Variants in RBFOX1 observed in about 807,000 individuals in gnomAD.
RBFOX1 encodes RNA binding fox-1 homolog 1, also known as RNA binding protein fox-1 homolog 1.
A neutral mutation model predicts 57.7 loss-of-function variants in RBFOX1; 8 were observed. The ratio of observed to expected loss-of-function variants is 0.14; its 90% CI spans 0.08 to 0.25. The LOEUF (loss-of-function observed/expected upper bound fraction) is 0.25, where lower values mean the gene tolerates loss of function less well. RBFOX1 is among the 10% of genes least tolerant of loss of function. The pLI, the probability that RBFOX1 is intolerant of heterozygous loss-of-function variation, is 1.00. For synonymous variants in RBFOX1, 326 were observed against 222.4 expected, an observed-to-expected ratio of 1.47 and a Z score of -4.15; for missense variants, 611 against 548.5, an observed-to-expected ratio of 1.11 and a Z score of -1.14.
chr16:5,516,865 C>A lies in RBFOX1; in HGVS notation c.258+49611C>A, dbSNP rs538940060. Among the ~76,000 whole-genome samples, 34 of 152,298 alleles carry A rather than the reference C, an allele frequency of 2.2e-4. No individual in the cohort carries two copies. The Middle Eastern group carries it at 0.01, about 46-fold the overall frequency. On this transcript the variant is annotated intron_variant, in intron 2 of 2. Transcript: ENST00000585867. ...CGCCTTCTGCCATGATTGTAAGTTT[C>A]CTGCAGCATCCCCAGCCGTGCAGAA...
chr16:7,014,097 C>A (rs993785838), intron 3 of RBFOX1, among the ~76,000 whole-genome samples: 2 of 152,146 alleles, frequency 1.3e-5, no homozygotes, highest in Non-Finnish European at 2.9e-5. Context: ...ATTGGAATGG[C>A]CGATTTATTG....
At chr16:5,889,912 G>A (rs1244390119) in intron 4 of RBFOX1, among the ~76,000 whole-genome samples, 5 of 152,222 alleles carry the variant, frequency 3.3e-5, no homozygotes, top group Non-Finnish European at 7.3e-5. Flanking sequence ...TGGAGCACAG[G>A]ATCTGGCAGA....
chr16:6,167,466 C>A (rs1285083257), intron 1 of RBFOX1, among the ~76,000 whole-genome samples: 2 of 152,252 alleles, frequency 1.3e-5, no homozygotes, highest in East Asian at 1.9e-4. Flanking sequence ...AGCCTTCTAA[C>A]ATTTTTTCCA....
At chr16:5,819,020 C>A (rs1204645025) in intron 3 of RBFOX1, among the ~76,000 whole-genome samples, 1 of 152,184 alleles carries the variant, frequency 6.6e-6, no homozygotes. Context: ...TCCATTTCCC[C>A]CTCCTTGTCT....
chr16:5,389,771 C>A (rs894130843), intron 1 of RBFOX1, among the ~76,000 whole-genome samples: 1 of 151,922 alleles, frequency 6.6e-6, no homozygotes, highest in Admixed American at 6.6e-5. Flanking sequence ...GATCTCAGCT[C>A]ACTGCGACTT....
chr16:7,520,519 G>A (rs2077304929), intron 5 of RBFOX1, among the ~76,000 whole-genome samples: 1 of 152,124 alleles, frequency 6.6e-6, no homozygotes, highest in Non-Finnish European at 1.5e-5. Context: ...TGTTGTCTAG[G>A]TTCATTCATG....
intron 11 of RBFOX1, among the ~76,000 whole-genome samples, chr16:7,644,380 G>T (rs952890536): frequency 1.3e-5 from 2 of 152,178 alleles, no homozygotes; most frequent in African/African-American, 4.8e-5. Context: ...TGGAGCCTCA[G>T]AGGTTGGAAT....
intron 14 of RBFOX1, among the ~76,000 whole-genome samples, chr16:7,697,109 G>A (rs947647112): frequency 6.6e-5 from 10 of 152,196 alleles, no homozygotes; most frequent in East Asian, 3.8e-4. Flanking sequence ...AGATAAGACT[G>A]CTTTGTGGAG....
intron 4 of RBFOX1, among the ~76,000 whole-genome samples, chr16:5,920,765 C>T (rs934812342): frequency 6.6e-6 from 1 of 152,156 alleles, no homozygotes; most frequent in African/African-American, 2.4e-5. Flanking sequence ...ATTAAAACGT[C>T]CTTCAGGAGG....
intron 2 of RBFOX1, among the ~76,000 whole-genome samples, chr16:5,520,111 C>G (rs2043953570): frequency 6.6e-6 from 1 of 152,110 alleles, no homozygotes; most frequent in African/African-American, 2.4e-5. Flanking sequence ...GAGCATCATT[C>G]CAGGGAGGGG....
intron 1 of RBFOX1, among the ~76,000 whole-genome samples, chr16:5,351,271 G>A (rs1256496904): frequency 2.6e-5 from 4 of 152,188 alleles, no homozygotes; most frequent in Non-Finnish European, 5.9e-5. Flanking sequence ...TTTGTCATCT[G>A]TTAAGCGCTA....
chr16:7,112,033 G>A (rs976985602), intron 4 of RBFOX1, among the ~76,000 whole-genome samples: 3 of 152,132 alleles, frequency 2.0e-5, no homozygotes, highest in South Asian at 2.1e-4. Context: ...GACAGGAAAA[G>A]GGAGGAAGGG....
intron 4 of RBFOX1, among the ~76,000 whole-genome samples, chr16:7,360,259 T>C (rs575573539): frequency 6.6e-6 from 1 of 152,232 alleles, no homozygotes; most frequent in East Asian, 1.9e-4. Context: ...TTTTTCCCAA[T>C]AGCCTAGAAT....
intron 1 of RBFOX1, among the ~76,000 whole-genome samples, chr16:6,067,614 C>A (rs2095784087): frequency 6.6e-6 from 1 of 152,162 alleles, no homozygotes; most frequent in South Asian, 2.1e-4. Flanking sequence ...TTTGCTTTTC[C>A]ATGAAGGTAC....
chr16:5,580,396 T>C (rs890566157), intron 2 of RBFOX1, among the ~76,000 whole-genome samples: 1 of 152,078 alleles, frequency 6.6e-6, no homozygotes, highest in Non-Finnish European at 1.5e-5. Flanking sequence ...TTCCGAGGGG[T>C]AAGTGCCCAC....
chr16:7,651,256 A>C (rs866327434), intron 11 of RBFOX1, among the ~76,000 whole-genome samples: 1 of 152,128 alleles, frequency 6.6e-6, no homozygotes, highest in South Asian at 2.1e-4. Context: ...TTTGGTCTTC[A>C]CTTTGGTCGG....
chr16:6,586,269 T>C (rs1476966), intron 2 of RBFOX1, among the ~76,000 whole-genome samples: 132,031 of 152,130 alleles, frequency 0.87, 60,431 homozygotes, highest in East Asian at 1. Flanking sequence ...TTTGAACCAC[T>C]CGTCTTACAA....
intron 4 of RBFOX1, among the ~76,000 whole-genome samples, chr16:7,132,433 G>GAC (rs36226659): frequency 0.021 from 3,028 of 144,758 alleles, 42 homozygotes; most frequent in Non-Finnish European, 0.03. Context: ...GTGATACACA[G>GAC]ACACACACAC....
chr16:6,894,318 C>T (rs1037932886), intron 3 of RBFOX1, among the ~76,000 whole-genome samples: 1 of 152,066 alleles, frequency 6.6e-6, no homozygotes, highest in African/African-American at 2.4e-5. Context: ...GTTTGAAATC[C>T]CCCAGATAGC....
Sources: gnomAD v4.1 joint callset for allele counts (sites outside exome capture counted in the v4.1 genomes callset) on GRCh38, gnomAD v4.1.1 for gene constraint, MANE v1.5 for transcripts, NCBI Gene and HGNC (gene_info 2026-07-23, HGNC 2026-07-21) for gene names.